MAP4K3: variants seen among roughly 807,000 people sequenced by gnomAD.
MAP4K3 encodes the protein mitogen-activated protein kinase kinase kinase kinase 3.
MAP4K3 carries 94 observed loss-of-function variants against 143.5 expected under a neutral mutation model. That is an observed-to-expected ratio of 0.65 (90% confidence interval 0.55 to 0.78). MAP4K3 has a LOEUF of 0.78. Ranked by LOEUF, MAP4K3 falls within the 30% of genes least tolerant of loss-of-function variation. The pLI, the probability that MAP4K3 is intolerant of heterozygous loss-of-function variation, is 0.00. For synonymous variants in MAP4K3, 416 were observed against 347.2 expected (o/e 1.20, Z -2.20); for missense variants, 1,077 against 1,068.1 (o/e 1.01, Z -0.12).
intron 13 of MAP4K3, among the ~76,000 whole-genome samples, chr2:39,309,817 C>A (rs1016045342): frequency 1.3e-5 from 2 of 151,946 alleles, no homozygotes; most frequent in Admixed American, 6.6e-5. Context: ...CTCGGCCTCC[C>A]AAAGTGCTGA....
chr2:39,272,085 G>C (rs1217006307), intron 26 of MAP4K3, 198 bp downstream of exon 26: 3 of 416,732 alleles, frequency 7.2e-6, no homozygotes, highest in East Asian at 3.7e-5. Flanking sequence ...GAAAATGTCT[G>C]ATATAATTTG....
chr2:39,345,313 G>A (rs1217066761), intron 3 of MAP4K3, among the ~76,000 whole-genome samples: 1 of 151,876 alleles, frequency 6.6e-6, no homozygotes, highest in East Asian at 1.9e-4. Flanking sequence ...GGAAGGTGCA[G>A]GGCGGGGCGG....
chr2:39,255,516 A>G (rs1209915506), intron 31 of MAP4K3, among the ~76,000 whole-genome samples: 1 of 151,824 alleles, frequency 6.6e-6, no homozygotes, highest in East Asian at 1.9e-4. Context: ...ATGTGGGTCT[A>G]TTTCTGGGCC....
rs1325765274 is a variant in MAP4K3, at chr2:39,385,471, C to A, written c.97-7348G>T. On this transcript the variant is annotated intron_variant, in intron 1 of 33. Coordinates refer to ENST00000263881, the MANE Select transcript of MAP4K3 (RefSeq NM_003618.4). ...TCTATTCATGTGCTTACCTGCCATCCTTTGATGAACTGTTTTCCAGTCTTT... is the reference window on the plus strand; with the variant it reads ...TCTATTCATGTGCTTACCTGCCATCATTTGATGAACTGTTTTCCAGTCTTT... 2.0e-5 allele frequency among the ~76,000 whole-genome samples: 3 copies of A among 149,446 alleles called. No individual in the cohort carries two copies. The Admixed American group carries it at 2.0e-4, about 10-fold the overall frequency.
At chr2:39,292,737 C>A (rs760601921) in intron 18 of MAP4K3, 36 bp downstream of exon 18, 1 of 1,562,222 alleles carries the variant, frequency 6.4e-7, no homozygotes, top group East Asian at 2.2e-5. Flanking sequence ...TCAAATGACA[C>A]CTTTTCTTTT....
chr2:39,333,074 A>C (rs1683731623), intron 7 of MAP4K3, among the ~76,000 whole-genome samples: 2 of 152,146 alleles, frequency 1.3e-5, no homozygotes. Flanking sequence ...TACAAAATGA[A>C]ATATGTTACT....
chr2:39,339,701 G>C (rs1293352206), intron 4 of MAP4K3, among the ~76,000 whole-genome samples: 1 of 152,122 alleles, frequency 6.6e-6, no homozygotes, highest in Non-Finnish European at 1.5e-5. Context: ...CATAGGGATG[G>C]AGGAAACATG....
chr2:39,355,026 G>A (rs967927688), intron 3 of MAP4K3, among the ~76,000 whole-genome samples: 1 of 151,282 alleles, frequency 6.6e-6, no homozygotes, highest in Non-Finnish European at 1.5e-5. Flanking sequence ...TCAGGAATTT[G>A]AGACCAGCCT....
chr2:39,370,843 AATGAGT>A (rs1368143144), intron 2 of MAP4K3, among the ~76,000 whole-genome samples: 4 of 152,178 alleles, frequency 2.6e-5, no homozygotes, highest in African/African-American at 9.7e-5. Context: ...CAATACCACA[AATGAGT>A]ATAAGTAACT....
At chr2:39,262,116 G>A (rs1176456976) in intron 28 of MAP4K3, among the ~76,000 whole-genome samples, 1 of 151,906 alleles carries the variant, frequency 6.6e-6, no homozygotes, top group African/African-American at 2.4e-5. Flanking sequence ...AATGGTTATT[G>A]CTAGCATTTT....
At chr2:39,410,878 T>G (rs1434823302) in intron 1 of MAP4K3, among the ~76,000 whole-genome samples, 2 of 152,208 alleles carry the variant, frequency 1.3e-5, no homozygotes. Context: ...GCTACTGATA[T>G]CCTAGAATTG....
chr2:39,279,872 A>G (rs1343610169), intron 23 of MAP4K3, among the ~76,000 whole-genome samples: 1 of 152,084 alleles, frequency 6.6e-6, no homozygotes, highest in Non-Finnish European at 1.5e-5. Context: ...GGGATTGCAT[A>G]AGGCCAGAAG....
At chr2:39,424,598 G>A (rs1006738575) in intron 1 of MAP4K3, among the ~76,000 whole-genome samples, 2 of 152,140 alleles carry the variant, frequency 1.3e-5, no homozygotes, top group South Asian at 2.1e-4. Flanking sequence ...AGGAGGTTGA[G>A]GTGGGAGGAT....
chr2:39,402,350 A>G (rs149650223), intron 1 of MAP4K3, among the ~76,000 whole-genome samples: 1 of 152,314 alleles, frequency 6.6e-6, no homozygotes, highest in Admixed American at 6.5e-5. Flanking sequence ...TTAATTGCCA[A>G]ATTTTTTCCA....
intron 16 of MAP4K3, among the ~76,000 whole-genome samples, chr2:39,298,584 A>AT (rs1402086495): frequency 6.6e-6 from 1 of 152,140 alleles, no homozygotes; most frequent in Non-Finnish European, 1.5e-5. Flanking sequence ...AAACTAAGCT[A>AT]TTTGTCTTTA....
rs115769470 is a variant in MAP4K3, at chr2:39,312,792, G to T, written c.997+2518C>A. ...TAACATATACCTCATCTTGATAAAGGCCTATTGAACAGCTTTCACCTATAC... is the reference window on the plus strand; with the variant it reads ...TAACATATACCTCATCTTGATAAAGTCCTATTGAACAGCTTTCACCTATAC... On this transcript the variant is annotated intron_variant, in intron 13 of 33. Coordinates refer to ENST00000263881, the MANE Select transcript of MAP4K3 (RefSeq NM_003618.4). 2.5e-3 allele frequency among the ~76,000 whole-genome samples: 387 copies of T among 152,204 alleles called. 3 individuals carry two copies. The highest frequency in any genetic ancestry group is 8.9e-3 in the African/African-American group (371 of 41,528).
At chr2:39,389,574 A>G (rs1329140747) in intron 1 of MAP4K3, among the ~76,000 whole-genome samples, 1 of 152,202 alleles carries the variant, frequency 6.6e-6, no homozygotes, top group Non-Finnish European at 1.5e-5. Context: ...TCCACAAAAG[A>G]ACAACAATTA....
At chr2:39,284,935 G>C (rs1681703284) in intron 21 of MAP4K3, among the ~76,000 whole-genome samples, 1 of 151,980 alleles carries the variant, frequency 6.6e-6, no homozygotes, top group Admixed American at 6.5e-5. Flanking sequence ...CTGTCACCCA[G>C]GCTGGAGTGC....
rs552337497 is a variant in MAP4K3 at position 39,277,638 on chromosome 2, C to A, written c.1794+769G>T. ...GGAGTGCAATGGCGTAATCTCGGCT[C>A]ACTGTAACCTCCTCCTCCCGGGTTC... On this transcript the variant is annotated intron_variant, in intron 24 of 33. Transcript: ENST00000263881. 9.1e-4 allele frequency among the ~76,000 whole-genome samples: 139 copies of A among 152,060 alleles called. 1 individual carries two copies. The highest frequency in any genetic ancestry group is 3.0e-3 in the African/African-American group (124 of 41,510).
Sources: allele counts gnomAD v4.1 joint callset (sites outside exome capture counted in the v4.1 genomes callset), GRCh38; gene constraint gnomAD v4.1.1; transcripts MANE v1.5; gene names NCBI Gene and HGNC (gene_info 2026-07-23, HGNC 2026-07-21).